The following TXLNB variants were observed in gnomAD, a reference collection of about 807,000 sequenced individuals.
TXLNB encodes the protein beta-taxilin.
Under a neutral mutation model 57.4 loss-of-function variants are expected in TXLNB, and 37 were observed. The observed-to-expected ratio is 0.64, with a 90% CI of 0.50 to 0.85. The LOEUF is 0.85. Among genes scored for constraint, TXLNB ranks in the 40% least tolerant of loss-of-function variants. TXLNB has a pLI of 0.00. For synonymous variants in TXLNB, 302 were observed against 309.6 expected (o/e 0.98, Z 0.26); for missense variants, 848 against 825.6 (o/e 1.03, Z -0.33).
chr6:139,160,762 A>G, the TXLNB span, among the ~76,000 whole-genome samples: 13 of 152,244 alleles, frequency 8.5e-5, no homozygotes, highest in African/African-American at 3.1e-4. Flanking sequence ...AAAACATTGG[A>G]AAAAGTAGAA....
At chr6:139,218,763 T>C in the TXLNB span, among the ~76,000 whole-genome samples, 3 of 151,934 alleles carry the variant, frequency 2.0e-5, no homozygotes, top group African/African-American at 7.3e-5. Context: ...AAAAAAAAGA[T>C]TCCATAATAT....
At chr6:139,165,479 T>C in the TXLNB span, among the ~76,000 whole-genome samples, 1 of 152,164 alleles carries the variant, frequency 6.6e-6, no homozygotes, top group African/African-American at 2.4e-5. Flanking sequence ...TTTTGACAAA[T>C]GTATAATGAC....
chr6:139,248,399 G>C (rs942336768), intron 7 of TXLNB, among the ~76,000 whole-genome samples: 1 of 151,882 alleles, frequency 6.6e-6, no homozygotes, highest in Admixed American at 6.6e-5. Flanking sequence ...GGGATGCTGA[G>C]GCAGGAGAAT....
At chr6:139,229,384 G>A in the TXLNB span, among the ~76,000 whole-genome samples, 5 of 152,172 alleles carry the variant, frequency 3.3e-5, 1 homozygote, top group South Asian at 6.2e-4. Context: ...GACCAATGGC[G>A]TGGTCTTGGT....
At chr6:139,280,795 A>C (rs1777028525) in intron 2 of TXLNB, among the ~76,000 whole-genome samples, 2 of 152,202 alleles carry the variant, frequency 1.3e-5, no homozygotes. Context: ...AAAGACTGTG[A>C]ATGTCCCTCT....
the TXLNB span, among the ~76,000 whole-genome samples, chr6:139,321,840 G>C: frequency 2.6e-5 from 4 of 152,034 alleles, no homozygotes; most frequent in African/African-American, 9.6e-5. Flanking sequence ...CATTGTGTTA[G>C]CCAGGATGGT....
chr6:139,200,876 T>C, the TXLNB span, among the ~76,000 whole-genome samples: 11 of 152,180 alleles, frequency 7.2e-5, no homozygotes, highest in Non-Finnish European at 7.4e-5. Context: ...AGCCTAGTCA[T>C]AGCCTGGGCA....
chr6:139,297,770 A>T, the TXLNB span, among the ~76,000 whole-genome samples: 1 of 152,220 alleles, frequency 6.6e-6, no homozygotes. Context: ...AAGCCTGTGA[A>T]TGGGAATTAA....
At chr6:139,193,840 A>ATATATTT in the TXLNB span, among the ~76,000 whole-genome samples, 154 of 85,226 alleles carry the variant, frequency 1.8e-3, 2 homozygotes, top group East Asian at 0.013. Context: ...ATATATATAT[A>ATATATTT]TTTTTTTTTT....
At chr6:139,235,651 G>A (rs911776365), downstream of TXLNB, among the ~76,000 whole-genome samples, 1 of 152,050 alleles carries the variant, frequency 6.6e-6, no homozygotes, top group African/African-American at 2.4e-5. Context: ...TGGGGGCAGG[G>A]AAGTGCTGGT....
At chr6:139,302,233 G>A in the TXLNB span, among the ~76,000 whole-genome samples, 1 of 149,692 alleles carries the variant, frequency 6.7e-6, no homozygotes, top group East Asian at 2.0e-4. Flanking sequence ...CGTAAGAAGA[G>A]AAATTTAGTT....
chr6:139,181,505 G>A, the TXLNB span, among the ~76,000 whole-genome samples: 2 of 152,148 alleles, frequency 1.3e-5, no homozygotes, highest in South Asian at 4.1e-4. Flanking sequence ...GATGAGTCCC[G>A]GTATTGCGGT....
In TXLNB at chr6:139,270,626, G is replaced by A. The variant is rs1182914629; in HGVS notation, c.517C>T (p.Leu173=). 2.1e-5 allele frequency: 34 copies of A among 1,613,716 alleles called. No homozygotes were observed. Among genetic ancestry groups the A allele is most frequent in the Non-Finnish European group, 2.8e-5 (33 of 1,179,770 alleles). Residue 173 remains leucine, a splice_region_variant and synonymous_variant, in exon 4 of 10, where the codon CTG becomes TTG. Transcript: ENST00000358430. The part of the protein sequence containing the change: ...DFLFKKYAEL[L]DEHRTEQKKL... ...TTTTGCTCAGTACGATGTTCATCCA[G>A]CTGTACACATGGAGATACAAACATG...
chr6:139,242,778 C>T lies in TXLNB; in HGVS notation c.1803G>A (p.Gln601=). The change falls in exon 10 of 10, where the codon CAG becomes CAA. Residue 601 remains glutamine, a synonymous_variant. Transcript: ENST00000358430. ...CTTCTGCCTCTGGCTTCCAGGACGC[C>T]TGATCAGCCTGTGCTCCAACAGGGA... The part of the protein sequence containing the change: ...EGLPVGAQAD[Q]ASWKPEAEAS... The T allele has an allele frequency of 2.5e-6, 4 of 1,614,142 alleles. No homozygotes were observed. The highest frequency in any genetic ancestry group is 1.1e-5 in the South Asian group (1 of 91,078).
chr6:139,268,537 T>C (rs1386290597), intron 4 of TXLNB, among the ~76,000 whole-genome samples: 2 of 152,146 alleles, frequency 1.3e-5, no homozygotes, highest in African/African-American at 2.4e-5. Flanking sequence ...AAGAAAAAAT[T>C]AGAAAGAAAA....
In TXLNB at chr6:139,286,772, A is replaced by G. The variant is rs193186672; in HGVS notation, c.424+1704T>C. On this transcript the variant is annotated intron_variant, in intron 2 of 9. Transcript: ENST00000358430. ...AACCCTATTGTGAACTGCACATGCA[A>G]GGGATGTAGGTTGCATGCTCCCTGT... is the stretch of plus-strand genomic sequence containing the variant. 4.6e-4 allele frequency: 76 copies of G among 164,202 alleles called. 1 individual carries two copies. Among genetic ancestry groups the G allele is most frequent in the Admixed American group, 3.0e-3 (47 of 15,514 alleles). The allele number at this position is 164,202 out of a possible 1,614,324, so 10.2% of individuals were successfully genotyped here.
chr6:139,166,464 C>T, the TXLNB span: 1 of 1,614,170 alleles, frequency 6.2e-7, no homozygotes, highest in Non-Finnish European at 8.5e-7. Context: ...ATCGGCCGCG[C>T]GCGCAGCTGG....
chr6:139,177,377 T>G, the TXLNB span: 2 of 251,268 alleles, frequency 8.0e-6, no homozygotes, highest in Non-Finnish European at 7.6e-6. The surrounding 1 kb of genome is among the most constrained non-coding windows in gnomAD (Gnocchi z 4.9). Flanking sequence ...TTTAAGATGG[T>G]GGGGAGGATG....
chr6:139,173,629 G>T, the TXLNB span, among the ~76,000 whole-genome samples: 1 of 152,168 alleles, frequency 6.6e-6, no homozygotes, highest in African/African-American at 2.4e-5. Context: ...GCTGTTATAC[G>T]TTGCCTGGGC....
Sources: allele counts gnomAD v4.1 joint callset (sites outside exome capture counted in the v4.1 genomes callset), GRCh38; gene constraint gnomAD v4.1.1; non-coding constraint Gnocchi (gnomAD v3.1); transcripts MANE v1.5; gene names NCBI Gene and HGNC (gene_info 2026-07-23, HGNC 2026-07-21).